APBB2: variants seen among roughly 807,000 people sequenced by gnomAD.
The protein encoded by APBB2 is amyloid beta precursor protein binding family B member 2.
APBB2 carries 38 observed loss-of-function variants against 82.5 expected under a neutral mutation model. The observed-to-expected ratio is 0.46, with a 90% confidence interval of 0.36 to 0.60. The LOEUF is 0.60. Ranked by LOEUF, APBB2 falls within the 20% of genes least tolerant of loss-of-function variation. The probability of loss-of-function intolerance (pLI) is 0.00; values close to 1 mark genes in which losing one functional copy is unlikely to be tolerated. For missense variants in APBB2, 772 were observed against 972.3 expected, an observed-to-expected ratio of 0.79 and a Z score of 2.74; for synonymous variants, 341 against 368.2, an observed-to-expected ratio of 0.93 and a Z score of 0.85.
chr4:40,946,101 G>T (rs967570594), intron 6 of APBB2, among the ~76,000 whole-genome samples: 2 of 152,000 alleles, frequency 1.3e-5, no homozygotes, highest in African/African-American at 4.8e-5. Context: ...GCATGGTGGC[G>T]CACACCTGCA....
At chr4:40,906,182 C>T (rs1776646760) in intron 10 of APBB2, among the ~76,000 whole-genome samples, 1 of 152,098 alleles carries the variant, frequency 6.6e-6, no homozygotes, top group African/African-American at 2.4e-5. Context: ...CTCAGCTGGG[C>T]ACAGTGGCTC....
chr4:41,028,671 C>T (rs1391117424), intron 5 of APBB2, among the ~76,000 whole-genome samples: 2 of 152,330 alleles, frequency 1.3e-5, no homozygotes, highest in Middle Eastern at 3.4e-3. Flanking sequence ...CCACTTGGAG[C>T]TAGGTTTTCT....
chr4:40,883,206 A>C (rs1769174815), intron 12 of APBB2, among the ~76,000 whole-genome samples: 1 of 148,068 alleles, frequency 6.8e-6, no homozygotes. Context: ...ATACCCTTTT[A>C]TAATACACAG....
At chr4:40,881,613 A>G (rs1768639446) in intron 12 of APBB2, among the ~76,000 whole-genome samples, 1 of 138,170 alleles carries the variant, frequency 7.2e-6, no homozygotes, top group South Asian at 2.3e-4. Context: ...GGCTCACTGC[A>G]ACCTCTGCCT....
At position 40,814,612 on chromosome 4, in the gene APBB2, AC is replaced by A. The variant is rs1745133367; in HGVS notation, c.*1479del. On this transcript the variant is annotated 3_prime_UTR_variant, in exon 18 of 18. Coordinates refer to ENST00000508593, the MANE Select transcript of APBB2 (RefSeq NM_004307.2). ...TTGACAAGTACATAGCAGTGTATAA[AC>A]ATAAAGCATTACTTTTATAATTGGA... is the stretch of plus-strand genomic sequence containing the variant. 1 of 152,252 alleles carries A rather than the reference AC, an allele frequency of 6.6e-6. No individual in the cohort carries two copies. Among genetic ancestry groups the A allele is most frequent in the Non-Finnish European group, 1.5e-5 (1 of 68,044 alleles). 9.4% of individuals were successfully genotyped at this position (152,252 alleles called of 1,614,324 possible). A position where few individuals can be genotyped will look rare whatever the true frequency, so the allele number is the denominator to read the frequency against.
intron 3 of APBB2, among the ~76,000 whole-genome samples, chr4:41,098,437 C>T (rs1408830702): frequency 6.6e-6 from 1 of 152,104 alleles, no homozygotes; most frequent in Non-Finnish European, 1.5e-5. Flanking sequence ...CCCACCTCTG[C>T]CCCCCAAAAG....
intron 6 of APBB2, among the ~76,000 whole-genome samples, chr4:40,993,507 C>T (rs150577873): frequency 4.0e-5 from 6 of 151,498 alleles, no homozygotes; most frequent in Admixed American, 3.3e-4. Context: ...ACCTCAGCTT[C>T]CTGAGTAGCT....
At chr4:40,978,767 G>GTT (rs1797786479) in intron 6 of APBB2, among the ~76,000 whole-genome samples, 1 of 152,034 alleles carries the variant, frequency 6.6e-6, no homozygotes, top group South Asian at 2.1e-4. Context: ...AAATAAACAA[G>GTT]CAAAAGCTCA....
chr4:41,045,880 A>C (rs1275523460), intron 4 of APBB2, among the ~76,000 whole-genome samples: 1 of 152,250 alleles, frequency 6.6e-6, no homozygotes, highest in African/African-American at 2.4e-5. Flanking sequence ...AGAAGAGTTC[A>C]TCAAAATGTT....
Position 41,128,365 on chromosome 4 carries a change from T to A in APBB2, c.-261+14622A>T, listed in dbSNP as rs917946968. 3.9e-5 allele frequency among the ~76,000 whole-genome samples: 6 copies of A among 152,332 alleles called. No individual in the cohort carries two copies. In the East Asian group the frequency reaches 1.2e-3, roughly 29 times the overall value. On this transcript the variant is annotated intron_variant, in intron 2 of 17. Coordinates refer to ENST00000508593, the MANE Select transcript of APBB2 (RefSeq NM_004307.2). ...CTGAGGAAAGCAGTTTGGAGACTTC[T>A]CAAAGAACTTAGGACTGCCATTCAA...
intron 6 of APBB2, among the ~76,000 whole-genome samples, chr4:40,997,365 T>G (rs1314095418): frequency 1.3e-5 from 2 of 152,170 alleles, no homozygotes; most frequent in East Asian, 1.9e-4. Context: ...CCCACAAACA[T>G]ATTCTAGCCA....
intron 3 of APBB2, among the ~76,000 whole-genome samples, chr4:41,077,312 G>A (rs1735988769): frequency 6.6e-6 from 1 of 151,270 alleles, no homozygotes; most frequent in South Asian, 2.1e-4. Flanking sequence ...CACAGCCAGG[G>A]ATTTTTTTTT....
chr4:40,832,011 T>TACACACACACACACAC lies in APBB2; in HGVS notation c.1530-1435_1530-1434insGTGTGTGTGTGTGTGT, dbSNP rs1386389411. 2.0e-3 allele frequency among the ~76,000 whole-genome samples: 101 copies of TACACACACACACACAC among 49,554 alleles called. No homozygotes were observed. Among genetic ancestry groups the TACACACACACACACAC allele is most frequent in the African/African-American group, 4.7e-3 (90 of 19,130 alleles). 32.5% of individuals were successfully genotyped at this position (49,554 alleles called of 152,430 possible). On this transcript the variant is annotated intron_variant, in intron 12 of 17. Coordinates refer to ENST00000508593, the MANE Select transcript of APBB2 (RefSeq NM_004307.2). The surrounding 1 kb of genome is among the most constrained non-coding windows in gnomAD (Gnocchi z 4.8). ...ACACACATATTTATATATTTATTTA[T>TACACACACACACACAC]ATACACACACACACACACACACACA...
chr4:40,878,871 C>T (rs183034228), intron 12 of APBB2, among the ~76,000 whole-genome samples: 6 of 152,256 alleles, frequency 3.9e-5, no homozygotes, highest in East Asian at 1.9e-4. Flanking sequence ...CTGGCATTTC[C>T]GTCCTCTGGC....
chr4:41,028,108 G>T (rs1303943873), intron 5 of APBB2, among the ~76,000 whole-genome samples: 2 of 152,148 alleles, frequency 1.3e-5, no homozygotes, highest in Non-Finnish European at 2.9e-5. Context: ...TTTTCTAGGG[G>T]AATCAGCCTT....
intron 10 of APBB2, among the ~76,000 whole-genome samples, chr4:40,928,421 CACACACAA>C (rs1461265673): frequency 4.2e-5 from 3 of 72,182 alleles, no homozygotes; most frequent in Admixed American, 1.7e-4. Flanking sequence ...CACACACACA[CACACACAA>C]TCAGCCAGGT....
chr4:41,050,810 T>C (rs1323964797), intron 4 of APBB2, among the ~76,000 whole-genome samples: 2 of 152,124 alleles, frequency 1.3e-5, no homozygotes, highest in African/African-American at 2.4e-5. Flanking sequence ...CACGTCAGGA[T>C]TTTTTTCCAC....
At chr4:40,914,780 G>T (rs1779436012) in intron 10 of APBB2, among the ~76,000 whole-genome samples, 1 of 151,550 alleles carries the variant, frequency 6.6e-6, no homozygotes, top group African/African-American at 2.4e-5. Flanking sequence ...AGAATCAGCA[G>T]TATCTGTCCT....
chr4:41,151,819 AT>A (rs1762357815), intron 1 of APBB2, among the ~76,000 whole-genome samples: 1 of 150,600 alleles, frequency 6.6e-6, no homozygotes, highest in African/African-American at 2.4e-5. Context: ...TCTAGTATGA[AT>A]TTTTTTATTT....
Sources: allele counts gnomAD v4.1 joint callset (sites outside exome capture counted in the v4.1 genomes callset), GRCh38; gene constraint gnomAD v4.1.1; non-coding constraint Gnocchi (gnomAD v3.1); transcripts MANE v1.5; gene names NCBI Gene and HGNC (gene_info 2026-07-23, HGNC 2026-07-21).